Variants in CLMP observed in about 807,000 individuals in gnomAD.
CLMP encodes CXADR like cell adhesion molecule.
In CLMP, 27 loss-of-function variants were observed where a neutral mutation model predicts 45.2. The observed-to-expected ratio is 0.60, with a 90% CI of 0.44 to 0.82. The LOEUF (loss-of-function observed/expected upper bound fraction) is 0.82. Ranked by LOEUF, CLMP falls within the 40% of genes least tolerant of loss-of-function variation. The probability of loss-of-function intolerance (pLI) is 0.00; values close to 1 mark genes in which losing one functional copy is unlikely to be tolerated. For missense variants in CLMP, 403 were observed against 448.4 expected, an observed-to-expected ratio of 0.90 and a Z score of 0.91; for synonymous variants, 167 against 171.4, an observed-to-expected ratio of 0.97 and a Z score of 0.20.
At chr11:123,100,895 G>A (rs966782608) in intron 1 of CLMP, among the ~76,000 whole-genome samples, 2 of 151,792 alleles carry the variant, frequency 1.3e-5, no homozygotes, top group Admixed American at 6.6e-5. Context: ...CTGGGTTCCA[G>A]GTTGCTCCTT....
At chr11:123,185,730 G>A (rs1198760175) in intron 1 of CLMP, among the ~76,000 whole-genome samples, 1 of 152,162 alleles carries the variant, frequency 6.6e-6, no homozygotes, top group Non-Finnish European at 1.5e-5. Context: ...GGGAATTCTA[G>A]GCTCGCAGGA....
chr11:123,128,971 T>C (rs549453219), intron 1 of CLMP, among the ~76,000 whole-genome samples: 3 of 152,256 alleles, frequency 2.0e-5, no homozygotes, highest in African/African-American at 7.2e-5. Context: ...ATACAGCCAA[T>C]AATTAGCACA....
Position 123,194,964 on chromosome 11 carries a change from T to A in CLMP, c.-24A>T, listed in dbSNP as rs1565409208. Reference sequence around the variant, plus strand: ...ATCCCGATCCCCGGACGCGGGCGCTTCCCCGCTCAGCTGCTGCTTGGCTCC... The same window carrying A: ...ATCCCGATCCCCGGACGCGGGCGCTACCCCGCTCAGCTGCTGCTTGGCTCC... On this transcript the variant is annotated 5_prime_UTR_variant, in exon 1 of 7. Transcript: ENST00000448775. The A allele has an allele frequency of 5.6e-6, 9 of 1,610,734 alleles. No homozygotes were observed. Among genetic ancestry groups the A allele is most frequent in the South Asian group, 5.5e-5 (5 of 90,894 alleles).
chr11:123,141,480 G>T (rs1008964374), intron 1 of CLMP, among the ~76,000 whole-genome samples: 1 of 151,990 alleles, frequency 6.6e-6, no homozygotes, highest in Non-Finnish European at 1.5e-5. Flanking sequence ...CACCGCGCCC[G>T]GCCAGGCATT....
intron 1 of CLMP, among the ~76,000 whole-genome samples, chr11:123,143,928 C>T (rs1861201369): frequency 1.3e-5 from 2 of 152,088 alleles, no homozygotes; most frequent in South Asian, 4.1e-4. Context: ...CCTACCTCAG[C>T]CTCCTGAATA....
chr11:123,131,001 C>A (rs2135508608), intron 1 of CLMP, among the ~76,000 whole-genome samples: 1 of 152,048 alleles, frequency 6.6e-6, no homozygotes, highest in South Asian at 2.1e-4. Flanking sequence ...CACCACCATG[C>A]CTGGCTAATT....
In CLMP at chr11:123,190,204, G is replaced by T. The variant is rs1369189117; in HGVS notation, c.28+4709C>A. On this transcript the variant is annotated intron_variant, in intron 1 of 6. Coordinates refer to ENST00000448775, the MANE Select transcript of CLMP (RefSeq NM_024769.5). Reference sequence around the variant, plus strand: ...TCGGGCCATCACCCTGAACCTGAATGGTGCTCCATGGCTAACAGTGCCGCA... The same window carrying T: ...TCGGGCCATCACCCTGAACCTGAATTGTGCTCCATGGCTAACAGTGCCGCA... Among the ~76,000 whole-genome samples the T allele has an allele frequency of 3.3e-5, 5 of 152,130 alleles. No homozygotes were observed. The South Asian group carries it at 1.0e-3, about 32-fold the overall frequency.
chr11:123,077,289 A>G (rs1164036225), intron 5 of CLMP, among the ~76,000 whole-genome samples: 1 of 151,780 alleles, frequency 6.6e-6, no homozygotes, highest in Non-Finnish European at 1.5e-5. Flanking sequence ...GGCGTGAGCC[A>G]CTGCACCCAG....
intron 1 of CLMP, among the ~76,000 whole-genome samples, chr11:123,107,560 C>T (rs948630284): frequency 1.1e-4 from 11 of 100,284 alleles, no homozygotes; most frequent in Admixed American, 2.4e-4. Flanking sequence ...TTTTCAGAAA[C>T]AGGGTTTCAC....
At chr11:123,078,621 T>C (rs1865765972) in intron 5 of CLMP, among the ~76,000 whole-genome samples, 1 of 150,308 alleles carries the variant, frequency 6.7e-6, no homozygotes. Flanking sequence ...TAAGTTTTGT[T>C]TTTTTGTGTT....
intron 1 of CLMP, among the ~76,000 whole-genome samples, chr11:123,121,682 G>A (rs2135500600): frequency 6.6e-6 from 1 of 152,268 alleles, no homozygotes; most frequent in African/African-American, 2.4e-5. Flanking sequence ...GGTTTAGTGG[G>A]TCAGGAGTAT....
At chr11:123,178,836 C>A (rs893790164) in intron 1 of CLMP, among the ~76,000 whole-genome samples, 1 of 152,182 alleles carries the variant, frequency 6.6e-6, no homozygotes, top group African/African-American at 2.4e-5. Context: ...ATCCTCTGAG[C>A]CTCAGTTTAC....
At chr11:123,092,459 G>A (rs186851636) in intron 2 of CLMP, among the ~76,000 whole-genome samples, 33 of 152,048 alleles carry the variant, frequency 2.2e-4, no homozygotes, top group African/African-American at 7.7e-4. Flanking sequence ...CACCACGCCC[G>A]GCTAATTTTT....
intron 1 of CLMP, among the ~76,000 whole-genome samples, chr11:123,145,103 A>G (rs1027532246): frequency 2.0e-5 from 3 of 152,236 alleles, no homozygotes; most frequent in Admixed American, 2.0e-4. Context: ...ATGTTGAAAT[A>G]ATATTTTATA....
intron 1 of CLMP, among the ~76,000 whole-genome samples, chr11:123,185,677 A>C (rs12417700): frequency 0.018 from 2,698 of 152,224 alleles, 121 homozygotes; most frequent in Admixed American, 0.096. Context: ...CCTCCGCTGA[A>C]AACCCGGACT....
In CLMP at chr11:123,133,820, G is replaced by T. The variant is rs79540989; in HGVS notation, c.29-35868C>A. On this transcript the variant is annotated intron_variant, in intron 1 of 6. Transcript: ENST00000448775. Reference sequence around the variant, plus strand: ...ACACTGAGACGAATCTGAGCGGGGAGGCCTTGCTGTCTCCCCCAGCTTATT... The same window carrying T: ...ACACTGAGACGAATCTGAGCGGGGATGCCTTGCTGTCTCCCCCAGCTTATT... 9.8e-3 allele frequency among the ~76,000 whole-genome samples: 1,498 copies of T among 152,182 alleles called. 13 individuals are homozygous for T. The highest frequency in any genetic ancestry group is 0.017 in the Non-Finnish European group (1,169 of 68,004).
intron 1 of CLMP, among the ~76,000 whole-genome samples, chr11:123,117,961 C>G (rs1289386723): frequency 6.6e-6 from 1 of 152,110 alleles, no homozygotes; most frequent in Non-Finnish European, 1.5e-5. Context: ...GGTCTTCCTC[C>G]AAGACACTGA....
At chr11:123,139,362 C>G (rs1000474934) in intron 1 of CLMP, among the ~76,000 whole-genome samples, 3 of 152,110 alleles carry the variant, frequency 2.0e-5, no homozygotes, top group South Asian at 4.1e-4. Flanking sequence ...AGAAACAGGA[C>G]TGGCCAGTGA....
intron 2 of CLMP, among the ~76,000 whole-genome samples, chr11:123,088,343 T>C (rs1865888750): frequency 1.3e-5 from 2 of 152,332 alleles, no homozygotes; most frequent in African/African-American, 4.8e-5. Flanking sequence ...ATTCAAAGAC[T>C]GAAAGTAAGG....
Sources: allele counts gnomAD v4.1 joint callset (sites outside exome capture counted in the v4.1 genomes callset), GRCh38; gene constraint gnomAD v4.1.1; transcripts MANE v1.5; gene names NCBI Gene and HGNC (gene_info 2026-07-23, HGNC 2026-07-21).